The following DEFB131B variants were observed in gnomAD, a reference collection of about 807,000 sequenced individuals.
DEFB131B encodes beta-defensin 131B.
Under a neutral mutation model 2.1 loss-of-function variants are expected in DEFB131B, and 2 were observed. That is an observed-to-expected ratio of 0.94 (90% CI 0.38 to 2.95). DEFB131B has a LOEUF of 2.95. DEFB131B is among the 30% of genes most tolerant of loss of function. The probability of loss-of-function intolerance (pLI) is 0.09; values close to 1 mark genes in which losing one functional copy is unlikely to be tolerated. For missense variants in DEFB131B, 77 were observed against 78.5 expected (o/e 0.98, Z 0.07); for synonymous variants, 26 against 25.8 (o/e 1.01, Z -0.03).
In DEFB131B at chr11:71,882,366, G is replaced by A. The variant is rs375075809; in HGVS notation, c.59-2041G>A. 8.0e-4 allele frequency among the ~76,000 whole-genome samples: 121 copies of A among 152,030 alleles called. No homozygotes were observed. The East Asian group carries it at 0.012, about 15-fold the overall frequency. On this transcript the variant is annotated intron_variant, in intron 1 of 1. Transcript: ENST00000530210. ...CCGCTTCCTGGGTCCAAGCAATCTC[G>A]TGCCTCAGCCAGCCACCACCACGCC...
intron 1 of DEFB131B, among the ~76,000 whole-genome samples, chr11:71,881,296 C>A (rs925005489): frequency 9.9e-5 from 15 of 152,102 alleles, no homozygotes; most frequent in African/African-American, 3.4e-4. Context: ...TGTTTTTTCA[C>A]TTAAAGTCAA....
intron 1 of DEFB131B, among the ~76,000 whole-genome samples, chr11:71,881,220 T>C (rs1439072717): frequency 2.0e-5 from 3 of 152,202 alleles, no homozygotes; most frequent in Non-Finnish European, 4.4e-5. Context: ...ATATTTGGAA[T>C]TTTTATATCC....
At chr11:71,882,310 C>A (rs1046477537) in intron 1 of DEFB131B, among the ~76,000 whole-genome samples, 1 of 151,878 alleles carries the variant, frequency 6.6e-6, no homozygotes, top group African/African-American at 2.4e-5. Flanking sequence ...GGCTGGAGTG[C>A]AGTGGCAGTG....
At chr11:71,884,285 T>G (rs1056470119) in intron 1 of DEFB131B, 122 bp from the exon 2 acceptor site, 8 of 1,162,366 alleles carry the variant, frequency 6.9e-6, no homozygotes, top group Non-Finnish European at 9.2e-6. Context: ...ATTCTTTTGC[T>G]GTTGTTTTTG....
intron 1 of DEFB131B, 129 bp downstream of exon 1, chr11:71,878,639 A>T: frequency 1.1e-6 from 1 of 931,338 alleles, no homozygotes; most frequent in Admixed American, 2.7e-5. Flanking sequence ...TGCTCAGAAG[A>T]TTGAAGAGTT....
intron 1 of DEFB131B, among the ~76,000 whole-genome samples, chr11:71,879,012 TA>T (rs879913476): frequency 2.6e-3 from 393 of 150,398 alleles, no homozygotes; most frequent in Middle Eastern, 0.01. Flanking sequence ...AAAATAATCA[TA>T]AAAAAAAATA....
At position 71,878,460 on chromosome 11, in the gene DEFB131B, T is replaced by C. The variant is rs1565118077; in HGVS notation, c.8T>C (p.Val3Ala). 3 of 1,611,796 alleles carry C rather than the reference T, an allele frequency of 1.9e-6. No individual in the cohort carries two copies. The highest frequency in any genetic ancestry group is 2.2e-5 in the East Asian group (1 of 44,868). The change falls in exon 1 of 2, where the codon GTC becomes GCC. Residue 3 changes from valine to alanine, a missense_variant. By Grantham distance (64) the Val-to-Ala change is moderately conservative (BLOSUM62 0). Transcript: ENST00000530210. ...TGCTTTACCTATTCAACCATGAGGG[T>C]CTTGTTTTTTGTCTTTGGAGTCCTT... MRVLFFVFGVLSL... is the reference protein window; with the variant it reads MRALFFVFGVLSL...
intron 1 of DEFB131B, among the ~76,000 whole-genome samples, chr11:71,882,014 C>A (rs1345428221): frequency 1.3e-5 from 2 of 151,352 alleles, no homozygotes; most frequent in Non-Finnish European, 1.5e-5. Flanking sequence ...TGAGAGAATA[C>A]CAAGCAAGAT....
At chr11:71,881,222 T>C (rs987495738) in intron 1 of DEFB131B, among the ~76,000 whole-genome samples, 8 of 152,210 alleles carry the variant, frequency 5.3e-5, no homozygotes, top group Non-Finnish European at 8.8e-5. Context: ...ATTTGGAATT[T>C]TTATATCCTC....
intron 1 of DEFB131B, 81 bp from the exon 2 acceptor site, chr11:71,884,321 TTTTAA>T (rs766070908): frequency 4.9e-4 from 670 of 1,371,234 alleles, no homozygotes; most frequent in Non-Finnish European, 6.2e-4. Context: ...TCTGTAATGC[TTTTAA>T]TTTATTATAA....
chr11:71,884,437 C>A lies in DEFB131B; in HGVS notation c.89C>A (p.Pro30His). ...TRSFTSNDECPSEYYHCRLKC... is the reference protein window; with the variant it reads ...TRSFTSNDECHSEYYHCRLKC... Reference sequence around the variant, plus strand: ...AGCTTCACTTCTAATGATGAATGTCCTTCAGAATATTATCATTGCAGACTG... The same window carrying A: ...AGCTTCACTTCTAATGATGAATGTCATTCAGAATATTATCATTGCAGACTG... The change falls in exon 2 of 2, where the codon CCT becomes CAT. Residue 30 changes from proline (P) to histidine (H), a missense_variant. Coordinates refer to ENST00000530210, the MANE Select transcript of DEFB131B (RefSeq NM_001242853.1). The A allele has an allele frequency of 1.2e-6, 2 of 1,602,294 alleles. No individual in the cohort carries two copies. The highest frequency in any genetic ancestry group is 8.5e-7 in the Non-Finnish European group (1 of 1,173,686).
chr11:71,880,049 A>G (rs1165101023), intron 1 of DEFB131B, among the ~76,000 whole-genome samples: 1 of 152,204 alleles, frequency 6.6e-6, no homozygotes, highest in Non-Finnish European at 1.5e-5. Context: ...AAACACCAAC[A>G]TTCACGGAGG....
intron 1 of DEFB131B, among the ~76,000 whole-genome samples, chr11:71,881,496 G>C (rs556269810): frequency 6.6e-6 from 1 of 152,212 alleles, no homozygotes; most frequent in South Asian, 2.1e-4. Flanking sequence ...GCTTGCAGCT[G>C]GTTGCCTTCT....
At chr11:71,879,273 A>G (rs1195579162) in intron 1 of DEFB131B, among the ~76,000 whole-genome samples, 1 of 128,876 alleles carries the variant, frequency 7.8e-6, no homozygotes, top group East Asian at 2.0e-4. Flanking sequence ...GTATATGGAA[A>G]TTACTTTTTG....
At chr11:71,879,762 T>A (rs1952548515) in intron 1 of DEFB131B, among the ~76,000 whole-genome samples, 1 of 152,122 alleles carries the variant, frequency 6.6e-6, no homozygotes, top group African/African-American at 2.4e-5. Context: ...CTCCTCCCAG[T>A]CCCTAGCAAC....
chr11:71,883,472 G>A (rs1228063121), intron 1 of DEFB131B, among the ~76,000 whole-genome samples: 2 of 152,232 alleles, frequency 1.3e-5, no homozygotes, highest in South Asian at 2.1e-4. Context: ...ACAAACATGC[G>A]AAGAATATAT....
rs775602124 is a variant in DEFB131B at position 71,884,498 on chromosome 11, T to G, written c.150T>G (p.Cys50Trp). The G allele has an allele frequency of 5.0e-6, 8 of 1,610,400 alleles. No homozygotes were observed. The African/African-American group carries it at 9.4e-5, about 19-fold the overall frequency. ...CTGATGAACATGCAATTAGATACTG[T>G]GCTGACTTCAGCATCTGCTGCAAAC... ...CNADEHAIRY[C>W]ADFSICCKLK... Residue 50 changes from cysteine (C) to tryptophan (W), a missense_variant, in exon 2 of 2, where the codon TGT becomes TGG. Physicochemically the swap from Cys to Trp is radical, Grantham distance 215 (BLOSUM62 -2). Transcript: ENST00000530210.
chr11:71,881,155 T>C (rs1357338806), intron 1 of DEFB131B, among the ~76,000 whole-genome samples: 2 of 152,240 alleles, frequency 1.3e-5, no homozygotes, highest in African/African-American at 2.4e-5. Flanking sequence ...TCTCTCTCTT[T>C]AGCTCTAATG....
At chr11:71,878,722 C>T (rs542290585) in intron 1 of DEFB131B, among the ~76,000 whole-genome samples, 11 of 151,930 alleles carry the variant, frequency 7.2e-5, no homozygotes, top group African/African-American at 2.7e-4. Context: ...AGGCCAGGCA[C>T]AGTGGCTCAT....
Sources: allele counts gnomAD v4.1 joint callset (sites outside exome capture counted in the v4.1 genomes callset), GRCh38; gene constraint gnomAD v4.1.1; transcripts MANE v1.5; gene names NCBI Gene and HGNC (gene_info 2026-07-23, HGNC 2026-07-21).